The following ZFHX3 variants were observed in gnomAD, a reference collection of about 807,000 sequenced individuals.
The protein encoded by ZFHX3 is zinc finger homeobox 3.
ZFHX3 carries 42 observed loss-of-function variants against 279.1 expected under a neutral mutation model. The observed-to-expected ratio is 0.15, with a 90% CI of 0.12 to 0.19. The LOEUF (loss-of-function observed/expected upper bound fraction) is 0.19, where lower values mean the gene tolerates loss of function less well. Among genes scored for constraint, ZFHX3 ranks in the 10% least tolerant of loss-of-function variants. The pLI is 1.00. For missense variants in ZFHX3, 4,981 were observed against 4,754.0 expected, an observed-to-expected ratio of 1.05 and a Z score of -1.40; for synonymous variants, 2,293 against 1,957.8, an observed-to-expected ratio of 1.17 and a Z score of -4.52.
intron 1 of ZFHX3, among the ~76,000 whole-genome samples, chr16:72,985,739 G>A (rs1406786677): frequency 6.6e-6 from 1 of 152,114 alleles, no homozygotes; most frequent in Non-Finnish European, 1.5e-5. Flanking sequence ...GAACTCACTA[G>A]CAGCTGTCAC....
At chr16:73,106,420 C>T (rs1381977347) in intron 7 of ZFHX3, among the ~76,000 whole-genome samples, 1 of 152,044 alleles carries the variant, frequency 6.6e-6, no homozygotes, top group African/African-American at 2.4e-5. Flanking sequence ...CAGGATTACA[C>T]AAGACGGAAG....
intron 1 of ZFHX3, among the ~76,000 whole-genome samples, chr16:72,964,693 T>C (rs892535517): frequency 2.0e-5 from 3 of 150,708 alleles, no homozygotes; most frequent in Admixed American, 1.3e-4. Flanking sequence ...AGGAAAAAAA[T>C]TGAAAACCAT....
chr16:73,772,828 G>A (rs718472), intron 1 of ZFHX3, among the ~76,000 whole-genome samples: 7,488 of 152,172 alleles, frequency 0.049, 570 homozygotes, highest in African/African-American at 0.17. Flanking sequence ...AATTACTACC[G>A]CATATCAGAC....
chr16:73,390,665 G>T (rs756266205), intron 3 of ZFHX3, among the ~76,000 whole-genome samples: 8 of 152,058 alleles, frequency 5.3e-5, no homozygotes, highest in Non-Finnish European at 1.2e-4. Flanking sequence ...GTGGCTTAAG[G>T]GGCTCAGGAA....
At position 72,797,544 on chromosome 16, in the gene ZFHX3, T is replaced by G. The variant is rs571945804; in HGVS notation, c.5138A>C (p.Lys1713Thr). 4 of 1,614,166 alleles carry G rather than the reference T, an allele frequency of 2.5e-6. No homozygotes were observed. The African/African-American group carries it at 5.3e-5, about 22-fold the overall frequency. The change falls in exon 9 of 10, where the codon AAG becomes ACG. Residue 1713 changes from lysine (K) to threonine (T), a missense_variant. Around this residue, in one of 7 missense-constraint regions of ZFHX3, gnomAD observed 1,751 missense variants for 1,770.0 expected, o/e 0.99. Coordinates refer to ENST00000268489, the MANE Select transcript of ZFHX3 (RefSeq NM_006885.4). ...GGATGCAATCATATCTGCCAGTTTC[T>G]TCCGATTGGCCTCTTTGGGCTCTGA... ...SPSEPKEANR[K>T]KLADMIASRQ... is the part of the protein sequence containing the mutation.
intron 1 of ZFHX3, among the ~76,000 whole-genome samples, chr16:73,004,352 G>A (rs1377884284): frequency 3.0e-5 from 3 of 100,550 alleles, no homozygotes; most frequent in African/African-American, 1.2e-4. Flanking sequence ...TTTTTGAGAT[G>A]GAGTTTCACT....
At chr16:73,023,806 CCA>C (rs949395141) in intron 1 of ZFHX3, among the ~76,000 whole-genome samples, 11 of 152,180 alleles carry the variant, frequency 7.2e-5, no homozygotes, top group East Asian at 5.8e-4. Flanking sequence ...GCTGCAACGA[CCA>C]CACACACCAC....
chr16:72,862,224 G>A (rs2037907401), intron 4 of ZFHX3, among the ~76,000 whole-genome samples: 1 of 152,136 alleles, frequency 6.6e-6, no homozygotes, highest in African/African-American at 2.4e-5. Flanking sequence ...TGCTTACAAA[G>A]GTGGGTCTGG....
chr16:73,433,785 G>T (rs746184301), intron 3 of ZFHX3, among the ~76,000 whole-genome samples: 23 of 152,212 alleles, frequency 1.5e-4, no homozygotes, highest in Non-Finnish European at 2.8e-4. Flanking sequence ...AGACAGAGCT[G>T]AGCCCACTCT....
chr16:73,010,346 C>G (rs1963871834), intron 1 of ZFHX3, among the ~76,000 whole-genome samples: 1 of 152,192 alleles, frequency 6.6e-6, no homozygotes, highest in Non-Finnish European at 1.5e-5. Context: ...TCAGCAGCCA[C>G]TGCCGCTAAA....
At chr16:73,044,831 G>A (rs1384187807) in intron 1 of ZFHX3, among the ~76,000 whole-genome samples, 1 of 152,098 alleles carries the variant, frequency 6.6e-6, no homozygotes, top group African/African-American at 2.4e-5. Flanking sequence ...ATGTTGATCA[G>A]GCTGGTCTCG....
intron 3 of ZFHX3, among the ~76,000 whole-genome samples, chr16:73,407,074 G>A (rs1308160376): frequency 3.3e-5 from 5 of 152,124 alleles, no homozygotes; most frequent in Admixed American, 1.3e-4. Flanking sequence ...ATTTGGCAAT[G>A]TTTACATATA....
At chr16:73,427,651 C>A (rs2017834582) in intron 3 of ZFHX3, among the ~76,000 whole-genome samples, 1 of 152,122 alleles carries the variant, frequency 6.6e-6, no homozygotes, top group Non-Finnish European at 1.5e-5. Flanking sequence ...AAGATAGGTA[C>A]TTGGCTGGAC....
rs114684570 is a variant in ZFHX3 at position 73,550,054 on chromosome 16, G to C, written c.-1546-93796C>G. Reference sequence around the variant, plus strand: ...CGAGGGGTGGGAGGTGCGAAGGGTGGAGGGGTGAGGGAAAAGGTGATTGTT... The same window carrying C: ...CGAGGGGTGGGAGGTGCGAAGGGTGCAGGGGTGAGGGAAAAGGTGATTGTT... On this transcript the variant is annotated intron_variant, in intron 2 of 17. Coordinates refer to the ZFHX3 transcript ENST00000641206. Among the ~76,000 whole-genome samples the C allele has an allele frequency of 4.0e-3, 608 of 152,120 alleles. 3 individuals carry two copies. The highest frequency in any genetic ancestry group is 0.014 in the African/African-American group (577 of 41,498).
At chr16:73,735,018 G>A (rs28478605) in intron 1 of ZFHX3, among the ~76,000 whole-genome samples, 13,805 of 152,138 alleles carry the variant, frequency 0.091, 695 homozygotes, top group African/African-American at 0.12. Flanking sequence ...ACAACTTGAA[G>A]AATATATACA....
chr16:72,875,841 C>A (rs1319500545), intron 4 of ZFHX3, among the ~76,000 whole-genome samples: 4 of 152,194 alleles, frequency 2.6e-5, no homozygotes, highest in Non-Finnish European at 5.9e-5. Flanking sequence ...TGCCCGGTCC[C>A]AGGGCTGGAA....
At chr16:72,920,823 A>G (rs1406129140) in intron 3 of ZFHX3, among the ~76,000 whole-genome samples, 1 of 151,970 alleles carries the variant, frequency 6.6e-6, no homozygotes, top group Non-Finnish European at 1.5e-5. Flanking sequence ...TAATCTCAGC[A>G]CTTTTGGAGG....
intron 3 of ZFHX3, among the ~76,000 whole-genome samples, chr16:72,917,367 A>G (rs1263232412): frequency 2.0e-5 from 3 of 152,258 alleles, no homozygotes; most frequent in Non-Finnish European, 1.5e-5. Context: ...ACTGGGGGAA[A>G]GGTAGACAGT....
chr16:73,631,228 T>C (rs1054420651), intron 2 of ZFHX3, among the ~76,000 whole-genome samples: 1 of 152,212 alleles, frequency 6.6e-6, no homozygotes, highest in Non-Finnish European at 1.5e-5. Context: ...GAAACTAACA[T>C]GGCCCACAAT....
Sources: allele counts gnomAD v4.1 joint callset (sites outside exome capture counted in the v4.1 genomes callset), GRCh38; gene constraint gnomAD v4.1.1; regional missense constraint gnomAD v4.1.1; transcripts MANE v1.5; gene names NCBI Gene and HGNC (gene_info 2026-07-23, HGNC 2026-07-21).